The following PM20D2 variants were observed in gnomAD, a reference collection of about 807,000 sequenced individuals.
PM20D2 encodes peptidase M20 domain containing 2.
Under a neutral mutation model 42.9 loss-of-function variants are expected in PM20D2, and 33 were observed. The observed-to-expected ratio is 0.77, with a 90% CI of 0.58 to 1.03. The LOEUF is 1.03. Ranked by LOEUF, PM20D2 falls within the 50% of genes least tolerant of loss-of-function variation. The pLI is 0.00. For synonymous variants in PM20D2, 250 were observed against 228.2 expected (o/e 1.10, Z -0.86); for missense variants, 548 against 557.0 (o/e 0.98, Z 0.16).
the PM20D2 span, among the ~76,000 whole-genome samples, chr6:89,102,072 A>G: frequency 3.9e-5 from 6 of 151,992 alleles, no homozygotes; most frequent in Non-Finnish European, 8.8e-5. Flanking sequence ...AGTAACATTG[A>G]ACTAGATGAA....
rs768764302 is a variant in PM20D2 at position 89,158,481 on chromosome 6, A to G, written c.1048+21A>G. ...TTCAGGTAATTAAGTGTTTTTTTAT[A>G]TATTGAGCTATTTGAGGAAGAGAAA... On this transcript the variant is annotated intron_variant, in intron 5 of 6. Coordinates refer to ENST00000275072, the MANE Select transcript of PM20D2 (RefSeq NM_001010853.3). 3.8e-6 allele frequency: 6 copies of G among 1,596,634 alleles called. No homozygotes were observed. In the Admixed American group the frequency reaches 5.4e-5, roughly 14 times the overall value.
the PM20D2 span, among the ~76,000 whole-genome samples, chr6:89,128,845 C>G: frequency 2.0e-5 from 3 of 152,094 alleles, no homozygotes; most frequent in Non-Finnish European, 4.4e-5. Context: ...GGGCGAGTTC[C>G]TCCAATAAGT....
At chr6:89,111,908 T>A in the PM20D2 span, among the ~76,000 whole-genome samples, 1 of 152,182 alleles carries the variant, frequency 6.6e-6, no homozygotes, top group East Asian at 1.9e-4. Context: ...ACACTATATT[T>A]AACATTAAAA....
chr6:89,097,423 A>C, the PM20D2 span: 1 of 152,218 alleles, frequency 6.6e-6, no homozygotes, highest in Non-Finnish European at 1.5e-5. Context: ...AAATATCAAT[A>C]AAGTTATTTG....
chr6:89,159,013 C>T lies in PM20D2; in HGVS notation c.1048+553C>T, dbSNP rs149001084. On this transcript the variant is annotated intron_variant, in intron 5 of 6. Coordinates refer to ENST00000275072, the MANE Select transcript of PM20D2 (RefSeq NM_001010853.3). ...GGACTTGGTGGTGAAAATGGGGTGT[C>T]GGTGTCATTCATTAAGATAAGGAGT... Among the ~76,000 whole-genome samples the T allele has an allele frequency of 3.2e-3, 481 of 151,876 alleles. 3 individuals are homozygous for T. Among genetic ancestry groups the T allele is most frequent in the Middle Eastern group, 6.8e-3 (2 of 294 alleles).
At chr6:89,134,942 C>T in the PM20D2 span, among the ~76,000 whole-genome samples, 1 of 150,864 alleles carries the variant, frequency 6.6e-6, no homozygotes, top group African/African-American at 2.5e-5. Flanking sequence ...GCTTTTACAT[C>T]GATCAGTCAC....
At chr6:89,127,789 C>G in the PM20D2 span, among the ~76,000 whole-genome samples, 1 of 152,100 alleles carries the variant, frequency 6.6e-6, no homozygotes, top group Admixed American at 6.5e-5. Context: ...TCATTTAGTC[C>G]TGTTGTGGGA....
chr6:89,138,922 G>A, the PM20D2 span, among the ~76,000 whole-genome samples: 2 of 152,080 alleles, frequency 1.3e-5, no homozygotes, highest in African/African-American at 4.8e-5. Context: ...AGTTCATCTT[G>A]AACAAACTTT....
upstream of PM20D2, among the ~76,000 whole-genome samples, chr6:89,141,388 CAG>C (rs1429135747): frequency 1.3e-5 from 2 of 152,126 alleles, no homozygotes; most frequent in Admixed American, 1.3e-4. Context: ...TTTTTAAAGA[CAG>C]AGTCTCACTC....
At chr6:89,098,501 T>C in the PM20D2 span, 1 of 1,490,962 alleles carries the variant, frequency 6.7e-7, no homozygotes. Context: ...TCTGTATGCC[T>C]TAAAGAATTT....
the PM20D2 span, among the ~76,000 whole-genome samples, chr6:89,133,536 C>T: frequency 2.0e-5 from 3 of 151,128 alleles, no homozygotes; most frequent in Non-Finnish European, 4.4e-5. Flanking sequence ...TTGCATCACC[C>T]TCCTGCCTCC....
chr6:89,108,453 C>G, the PM20D2 span, among the ~76,000 whole-genome samples: 1 of 152,194 alleles, frequency 6.6e-6, no homozygotes, highest in South Asian at 2.1e-4. Context: ...ACTGAGCCAG[C>G]AAGTGACAAA....
chr6:89,161,928 C>A (rs1183730504), intron 6 of PM20D2, 38 bp downstream of exon 6: 1 of 1,539,344 alleles, frequency 6.5e-7, no homozygotes, highest in East Asian at 2.3e-5. Flanking sequence ...GGCACACACA[C>A]TCTTCTTCTG....
the PM20D2 span, among the ~76,000 whole-genome samples, chr6:89,130,819 CTTTTTTTT>C: frequency 0.069 from 1,681 of 24,216 alleles, 72 homozygotes; most frequent in African/African-American, 0.2. Context: ...GCTTCTTCTT[CTTTTTTTT>C]TTTTTTTTTT....
the PM20D2 span, among the ~76,000 whole-genome samples, chr6:89,119,924 T>TGTGA: frequency 5.5e-3 from 840 of 152,284 alleles, 2 homozygotes; most frequent in Middle Eastern, 0.017. Context: ...AGATTACAGG[T>TGTGA]GTGAGCCACT....
the PM20D2 span, among the ~76,000 whole-genome samples, chr6:89,117,023 A>G: frequency 2.4e-4 from 36 of 152,000 alleles, no homozygotes; most frequent in African/African-American, 7.5e-4. Flanking sequence ...GTCTATTAAC[A>G]CCGTTCCCTC....
the PM20D2 span, among the ~76,000 whole-genome samples, chr6:89,109,571 A>C: frequency 6.6e-6 from 1 of 152,164 alleles, no homozygotes; most frequent in Admixed American, 6.6e-5. Context: ...ATCATAGATA[A>C]TATAAAAGAG....
chr6:89,138,522 GA>G, the PM20D2 span, among the ~76,000 whole-genome samples: 8 of 147,956 alleles, frequency 5.4e-5, no homozygotes, highest in Non-Finnish European at 1.2e-4. Context: ...TTTAAAAAAC[GA>G]AAAAAAAAAT....
At chr6:89,117,802 C>A in the PM20D2 span, 2 of 1,545,608 alleles carry the variant, frequency 1.3e-6, no homozygotes, top group South Asian at 2.4e-5. Flanking sequence ...GCGCCCCCAA[C>A]CTGCAGCCGC....
Sources: allele counts gnomAD v4.1 joint callset (sites outside exome capture counted in the v4.1 genomes callset), GRCh38; gene constraint gnomAD v4.1.1; transcripts MANE v1.5; gene names NCBI Gene and HGNC (gene_info 2026-07-23, HGNC 2026-07-21).